The following PRKCE variants were observed in gnomAD, a reference collection of about 807,000 sequenced individuals.
PRKCE encodes protein kinase C epsilon type.
A neutral mutation model predicts 85.4 loss-of-function variants in PRKCE; 16 were observed. The observed-to-expected ratio is 0.19, with a 90% confidence interval of 0.13 to 0.28. PRKCE has a LOEUF of 0.28. Ranked by LOEUF, PRKCE falls within the 10% of genes least tolerant of loss-of-function variation. The probability of loss-of-function intolerance (pLI) is 1.00; values close to 1 mark genes in which losing one functional copy is unlikely to be tolerated. For synonymous variants in PRKCE, 388 were observed against 371.5 expected, an observed-to-expected ratio of 1.04 and a Z score of -0.51; for missense variants, 573 against 975.2, an observed-to-expected ratio of 0.59 and a Z score of 5.49.
chr2:46,104,976 G>T (rs562731661), intron 11 of PRKCE, among the ~76,000 whole-genome samples: 40 of 151,664 alleles, frequency 2.6e-4, no homozygotes, highest in African/African-American at 9.4e-4. Flanking sequence ...TCTGGTGCTT[G>T]GTTCTCTTCC....
chr2:45,841,970 G>A (rs1393911165), intron 1 of PRKCE, among the ~76,000 whole-genome samples: 2 of 152,212 alleles, frequency 1.3e-5, no homozygotes, highest in Non-Finnish European at 2.9e-5. Context: ...AGAGAGCCTG[G>A]CACTATGAAC....
At chr2:45,866,426 G>A (rs906212551) in intron 2 of PRKCE, among the ~76,000 whole-genome samples, 25 of 152,168 alleles carry the variant, frequency 1.6e-4, no homozygotes, top group Admixed American at 1.3e-3. Context: ...TCCTGCCTCA[G>A]CCTCCCGAGT....
intron 2 of PRKCE, among the ~76,000 whole-genome samples, chr2:45,903,317 T>G (rs67432833): frequency 0.063 from 9,615 of 152,236 alleles, 389 homozygotes; most frequent in Middle Eastern, 0.15. Flanking sequence ...CTTTAAAAAA[T>G]ACTAATTTTG....
intron 1 of PRKCE, among the ~76,000 whole-genome samples, chr2:45,678,230 A>G (rs866880171): frequency 1.3e-5 from 2 of 152,268 alleles, no homozygotes; most frequent in African/African-American, 4.8e-5. Flanking sequence ...TGCATTCAGG[A>G]TGTATGATGC....
intron 1 of PRKCE, among the ~76,000 whole-genome samples, chr2:45,690,953 T>A (rs1471295386): frequency 2.0e-5 from 3 of 152,252 alleles, no homozygotes; most frequent in African/African-American, 2.4e-5. Context: ...ACTGCAAATT[T>A]ATTTTGGAAA....
At chr2:45,713,859 A>T (rs756562311) in intron 1 of PRKCE, among the ~76,000 whole-genome samples, 1 of 152,246 alleles carries the variant, frequency 6.6e-6, no homozygotes, top group Non-Finnish European at 1.5e-5. Context: ...AGAGATACCC[A>T]TAACAATCTT....
At chr2:45,704,172 T>C (rs893462422) in intron 1 of PRKCE, among the ~76,000 whole-genome samples, 3 of 152,242 alleles carry the variant, frequency 2.0e-5, no homozygotes, top group African/African-American at 7.2e-5. Flanking sequence ...CTCCATTTAC[T>C]CCTTTCATTG....
At chr2:46,121,357 T>C (rs1673296832) in intron 11 of PRKCE, among the ~76,000 whole-genome samples, 1 of 152,214 alleles carries the variant, frequency 6.6e-6, no homozygotes, top group Admixed American at 6.5e-5. Flanking sequence ...CTTGAATGTT[T>C]TATGGCATGA....
At chr2:45,698,446 G>A (rs1340696719) in intron 1 of PRKCE, among the ~76,000 whole-genome samples, 1 of 152,090 alleles carries the variant, frequency 6.6e-6, no homozygotes, top group Non-Finnish European at 1.5e-5. Context: ...GGTTGTGGAT[G>A]GGGGTATAAG....
intron 2 of PRKCE, among the ~76,000 whole-genome samples, chr2:45,912,343 C>T (rs1465358169): frequency 6.6e-6 from 1 of 152,122 alleles, no homozygotes; most frequent in African/African-American, 2.4e-5. Context: ...AGCTGCAGGG[C>T]CTGGGCACTG....
At chr2:45,849,381 A>G (rs1692059832) in intron 2 of PRKCE, among the ~76,000 whole-genome samples, 1 of 152,116 alleles carries the variant, frequency 6.6e-6, no homozygotes, top group East Asian at 1.9e-4. Context: ...TCGCTTAGCA[A>G]CCTCATAGAG....
At chr2:45,964,879 A>G (rs1435109130) in intron 2 of PRKCE, among the ~76,000 whole-genome samples, 1 of 151,956 alleles carries the variant, frequency 6.6e-6, no homozygotes, top group Non-Finnish European at 1.5e-5. Flanking sequence ...TTTTTTTCCT[A>G]TGTAGTGAAC....
chr2:45,853,981 T>A (rs1463293969), intron 2 of PRKCE, among the ~76,000 whole-genome samples: 1 of 152,154 alleles, frequency 6.6e-6, no homozygotes, highest in Non-Finnish European at 1.5e-5. Flanking sequence ...CACGGGCCCA[T>A]CCCACCAGCA....
At chr2:45,823,499 A>G (rs746721595) in intron 1 of PRKCE, among the ~76,000 whole-genome samples, 22 of 152,220 alleles carry the variant, frequency 1.4e-4, no homozygotes, top group Non-Finnish European at 2.4e-4. Flanking sequence ...CTTTCAAGGA[A>G]AGTAAGTGGT....
intron 1 of PRKCE, among the ~76,000 whole-genome samples, chr2:45,749,947 G>C (rs1226591500): frequency 6.6e-6 from 1 of 152,054 alleles, no homozygotes; most frequent in Non-Finnish European, 1.5e-5. Flanking sequence ...AAAAGGATAA[G>C]GCCTTTTGGG....
chr2:45,733,348 A>T (rs1681753119), intron 1 of PRKCE, among the ~76,000 whole-genome samples: 1 of 152,218 alleles, frequency 6.6e-6, no homozygotes, highest in Admixed American at 6.5e-5. Context: ...GCCAGGCATG[A>T]TTCGAGGAGC....
At chr2:45,705,965 C>T (rs1026777062) in intron 1 of PRKCE, among the ~76,000 whole-genome samples, 3 of 152,124 alleles carry the variant, frequency 2.0e-5, no homozygotes, top group African/African-American at 4.8e-5. Flanking sequence ...ATATCTGCTT[C>T]GGAGCTCTGT....
intron 14 of PRKCE, among the ~76,000 whole-genome samples, chr2:46,169,434 T>A (rs1678670186): frequency 6.6e-6 from 1 of 152,210 alleles, no homozygotes; most frequent in Non-Finnish European, 1.5e-5. Context: ...TTCCTCTGGC[T>A]ACTCCTTTCT....
intron 2 of PRKCE, among the ~76,000 whole-genome samples, chr2:45,847,817 T>C (rs1042487636): frequency 1.3e-5 from 2 of 152,248 alleles, no homozygotes; most frequent in Admixed American, 1.3e-4. Context: ...TAGCTTTGAA[T>C]CCAAAGGTGA....
Sources: allele counts gnomAD v4.1 joint callset (sites outside exome capture counted in the v4.1 genomes callset), GRCh38; gene constraint gnomAD v4.1.1; transcripts MANE v1.5; gene names NCBI Gene and HGNC (gene_info 2026-07-23, HGNC 2026-07-21).